ATOSA: variants seen among roughly 807,000 people sequenced by gnomAD.
ATOSA encodes the protein atos homolog protein A.
At chr15:52,656,162 G>GAAC in the ATOSA span, 2 of 151,998 alleles carry the variant, frequency 1.3e-5, no homozygotes, top group South Asian at 4.1e-4. Context: ...ATGTCACATT[G>GAAC]AACAACACAT....
the ATOSA span, chr15:52,581,993 G>A: frequency 1.8e-6 from 1 of 571,188 alleles, no homozygotes; most frequent in Non-Finnish European, 2.9e-6. Flanking sequence ...AGTCTACATG[G>A]AATATATGGA....
the ATOSA span, among the ~76,000 whole-genome samples, chr15:52,692,085 C>A: frequency 9.2e-5 from 14 of 151,936 alleles, 3 homozygotes; most frequent in Admixed American, 8.5e-4. Flanking sequence ...CTCCATCCCC[C>A]CAAAAACATA....
chr15:52,701,960 A>G, the ATOSA span, among the ~76,000 whole-genome samples: 87 of 152,256 alleles, frequency 5.7e-4, no homozygotes, highest in Middle Eastern at 6.8e-3. Context: ...TTTAAAAAAG[A>G]GAAGACAAAA....
chr15:52,679,904 G>A, the ATOSA span, among the ~76,000 whole-genome samples: 1 of 148,874 alleles, frequency 6.7e-6, no homozygotes, highest in South Asian at 2.2e-4. Context: ...ATGGAACCCG[G>A]GTTTAATGTG....
At chr15:52,677,172 T>C in the ATOSA span, among the ~76,000 whole-genome samples, 1 of 152,306 alleles carries the variant, frequency 6.6e-6, no homozygotes, top group Admixed American at 6.5e-5. Flanking sequence ...GTAGGATAAA[T>C]TAACATTTCC....
the ATOSA span, among the ~76,000 whole-genome samples, chr15:52,596,867 A>G: frequency 6.6e-6 from 1 of 152,268 alleles, no homozygotes; most frequent in African/African-American, 2.4e-5. Flanking sequence ...TAAAGACACT[A>G]TCACAAAAAT....
At chr15:52,635,995 T>A in the ATOSA span, among the ~76,000 whole-genome samples, 1 of 149,216 alleles carries the variant, frequency 6.7e-6, no homozygotes, top group Admixed American at 6.7e-5. Context: ...TGAGAATCTA[T>A]CTCACTCTGT....
At chr15:52,615,908 C>G in the ATOSA span, among the ~76,000 whole-genome samples, 3 of 152,178 alleles carry the variant, frequency 2.0e-5, no homozygotes, top group Non-Finnish European at 4.4e-5. Context: ...ATAAATGAAG[C>G]ATGGAGAGGT....
chr15:52,689,751 T>G, the ATOSA span, among the ~76,000 whole-genome samples: 6 of 152,224 alleles, frequency 3.9e-5, no homozygotes, highest in African/African-American at 1.4e-4. Flanking sequence ...TAATGTTTAG[T>G]GATTGGCCAA....
the ATOSA span, among the ~76,000 whole-genome samples, chr15:52,645,346 GT>G: frequency 6.6e-6 from 1 of 152,322 alleles, no homozygotes; most frequent in South Asian, 2.1e-4. Flanking sequence ...GGCTGAGGCG[GT>G]AGGATTGCTT....
chr15:52,654,967 C>G, the ATOSA span, among the ~76,000 whole-genome samples: 32 of 152,060 alleles, frequency 2.1e-4, no homozygotes, highest in African/African-American at 6.5e-4. Flanking sequence ...TAAATAGCCA[C>G]TACCTACTGG....
chr15:52,605,306 A>T, the ATOSA span: 1 of 1,278,544 alleles, frequency 7.8e-7, no homozygotes, highest in Non-Finnish European at 1.1e-6. Flanking sequence ...AAGAACTTGG[A>T]CAGTGTTTTT....
the ATOSA span, chr15:52,658,581 A>T: frequency 2.5e-6 from 1 of 394,986 alleles, no homozygotes; most frequent in Middle Eastern, 6.3e-4. Context: ...ATAAATTTTC[A>T]TTCTTCATTC....
At chr15:52,613,747 T>C in the ATOSA span, 1 of 1,613,934 alleles carries the variant, frequency 6.2e-7, no homozygotes, top group East Asian at 2.2e-5. Flanking sequence ...CAATGAAAGC[T>C]TTCTGTTCGA....
the ATOSA span, chr15:52,656,419 T>A: frequency 6.6e-6 from 1 of 152,028 alleles, no homozygotes; most frequent in African/African-American, 2.4e-5. Flanking sequence ...TATAACAAGG[T>A]ACAAATAAAC....
chr15:52,589,713 A>G, the ATOSA span, among the ~76,000 whole-genome samples: 1 of 152,148 alleles, frequency 6.6e-6, no homozygotes, highest in Non-Finnish European at 1.5e-5. Context: ...CATCATTTTA[A>G]TTGATCAGCA....
the ATOSA span, among the ~76,000 whole-genome samples, chr15:52,689,582 C>T: frequency 5.6e-4 from 86 of 152,336 alleles, 1 homozygote; most frequent in Non-Finnish European, 1.1e-3. Context: ...GTACCTGCCT[C>T]ATTTGTGGCT....
the ATOSA span, among the ~76,000 whole-genome samples, chr15:52,668,999 C>G: frequency 0.8 from 120,662 of 151,486 alleles, 49,115 homozygotes; most frequent in Non-Finnish European, 0.87. Context: ...TCCGCCTCCC[C>G]GGTTCACGCC....
chr15:52,582,111 CA>C, the ATOSA span: 1 of 1,466,160 alleles, frequency 6.8e-7, no homozygotes, highest in Non-Finnish European at 9.0e-7. Context: ...TTTTTACTTG[CA>C]AACTTGGGTA....
Sources: gnomAD v4.1 joint callset for allele counts (sites outside exome capture counted in the v4.1 genomes callset) on GRCh38, gnomAD v4.1.1 for gene constraint, MANE v1.5 for transcripts, NCBI Gene and HGNC (gene_info 2026-07-23, HGNC 2026-07-21) for gene names.